The following ATP8A2 variants were observed in gnomAD, a reference collection of about 807,000 sequenced individuals.
ATP8A2 encodes the protein ATPase phospholipid transporting 8A2.
Under a neutral mutation model 165.6 loss-of-function variants are expected in ATP8A2, and 100 were observed. The ratio of observed to expected loss-of-function variants is 0.60; its 90% CI spans 0.51 to 0.71. The LOEUF is 0.71. Ranked by LOEUF, ATP8A2 falls within the 30% of genes least tolerant of loss-of-function variation. The probability of loss-of-function intolerance (pLI) is 0.00; values close to 1 mark genes in which losing one functional copy is unlikely to be tolerated. For synonymous variants in ATP8A2, 543 were observed against 548.8 expected (o/e 0.99, Z 0.15); for missense variants, 1,227 against 1,479.5 (o/e 0.83, Z 2.80).
Position 25,909,506 on chromosome 13 carries a change from T to C in ATP8A2, c.3183+47098T>C, listed in dbSNP as rs191840607. Among the ~76,000 whole-genome samples the C allele has an allele frequency of 2.9e-4, 44 of 152,350 alleles. No individual in the cohort carries two copies. The East Asian group carries it at 8.5e-3, about 29-fold the overall frequency. On this transcript the variant is annotated intron_variant, in intron 33 of 36. Coordinates refer to ENST00000381655, the MANE Select transcript of ATP8A2 (RefSeq NM_016529.6). ...AGTTGTTGATTAATTTTTCGTATTATTATGCATTTTAGGTTGGTGCAAAAG... is the reference window on the plus strand; with the variant it reads ...AGTTGTTGATTAATTTTTCGTATTACTATGCATTTTAGGTTGGTGCAAAAG...
At chr13:25,680,860 G>A (rs71186896) in intron 24 of ATP8A2, among the ~76,000 whole-genome samples, 60 of 152,220 alleles carry the variant, frequency 3.9e-4, no homozygotes, top group Middle Eastern at 3.4e-3. Flanking sequence ...TGGTGTGGGC[G>A]CTTGGTTTCT....
chr13:25,844,467 G>T (rs1951814916), intron 30 of ATP8A2, among the ~76,000 whole-genome samples: 2 of 152,144 alleles, frequency 1.3e-5, no homozygotes, highest in Non-Finnish European at 2.9e-5. Flanking sequence ...CTGACCTCGT[G>T]ATCTGCCCAC....
intron 35 of ATP8A2, among the ~76,000 whole-genome samples, chr13:25,998,532 G>A (rs993429593): frequency 2.0e-5 from 3 of 152,140 alleles, no homozygotes; most frequent in Admixed American, 1.3e-4. Context: ...TCCTTTGTCT[G>A]GAGAGAAAAG....
chr13:25,920,970 T>C (rs1954434172), intron 33 of ATP8A2, among the ~76,000 whole-genome samples: 1 of 152,100 alleles, frequency 6.6e-6, no homozygotes, highest in African/African-American at 2.4e-5. Flanking sequence ...CTCGGGAGGC[T>C]GAGGTGGGAG....
chr13:25,559,336 C>T (rs2039074509), intron 14 of ATP8A2, among the ~76,000 whole-genome samples: 1 of 152,146 alleles, frequency 6.6e-6, no homozygotes, highest in Admixed American at 6.5e-5. Context: ...AGTTCGAGAT[C>T]AGCCTGGCTA....
intron 35 of ATP8A2, among the ~76,000 whole-genome samples, chr13:26,004,638 A>G (rs981583158): frequency 3.9e-5 from 6 of 152,014 alleles, no homozygotes; most frequent in African/African-American, 1.4e-4. Flanking sequence ...GATGTTAGCT[A>G]TGGGTTTGTC....
intron 33 of ATP8A2, among the ~76,000 whole-genome samples, chr13:25,945,115 G>C (rs987037823): frequency 6.6e-6 from 1 of 152,130 alleles, no homozygotes; most frequent in Non-Finnish European, 1.5e-5. Context: ...AGGAAGTGAG[G>C]GTTGGTTTTA....
At chr13:25,978,837 G>A (rs1956118207) in intron 35 of ATP8A2, among the ~76,000 whole-genome samples, 1 of 152,164 alleles carries the variant, frequency 6.6e-6, no homozygotes, top group Admixed American at 6.5e-5. Context: ...CTACTTGAGA[G>A]GCTGAGGCAG....
At chr13:25,799,527 A>G (rs1238720862) in intron 27 of ATP8A2, among the ~76,000 whole-genome samples, 2 of 152,216 alleles carry the variant, frequency 1.3e-5, no homozygotes, top group Non-Finnish European at 1.5e-5. Context: ...AATCATTGCC[A>G]TAGATGATTA....
chr13:25,440,756 C>T (rs995338757), intron 1 of ATP8A2, among the ~76,000 whole-genome samples: 1 of 152,184 alleles, frequency 6.6e-6, no homozygotes, highest in African/African-American at 2.4e-5. Context: ...AACAATTTTT[C>T]AATCCGATGC....
At chr13:25,577,003 G>A in intron 19 of ATP8A2, 66 bp from the exon 20 acceptor site, 4 of 1,309,060 alleles carry the variant, frequency 3.1e-6, no homozygotes, top group Non-Finnish European at 4.4e-6. Context: ...TTTGATTGGT[G>A]TTCAGCTGTG....
chr13:25,551,622 A>G (rs1043993030), intron 11 of ATP8A2, 119 bp downstream of exon 11: 16 of 881,828 alleles, frequency 1.8e-5, no homozygotes, highest in Non-Finnish European at 2.7e-5. Context: ...GTTACTGTAC[A>G]TAATGCCAGC....
At chr13:25,433,766 G>GA (rs2034677634) in intron 1 of ATP8A2, among the ~76,000 whole-genome samples, 1 of 152,106 alleles carries the variant, frequency 6.6e-6, no homozygotes, top group Non-Finnish European at 1.5e-5. Context: ...AGGAAATGTG[G>GA]TATTTATACA....
intron 27 of ATP8A2, among the ~76,000 whole-genome samples, chr13:25,811,199 T>C (rs1950859699): frequency 6.6e-6 from 1 of 152,184 alleles, no homozygotes; most frequent in Non-Finnish European, 1.5e-5. Flanking sequence ...TGATTTAAAA[T>C]TGATAATTAG....
intron 25 of ATP8A2, among the ~76,000 whole-genome samples, chr13:25,714,747 T>C (rs1282573682): frequency 6.6e-6 from 1 of 152,164 alleles, no homozygotes; most frequent in Non-Finnish European, 1.5e-5. Flanking sequence ...CTATGGAAAA[T>C]GTTTAGGGTG....
At chr13:25,447,655 A>G (rs1427063545) in intron 1 of ATP8A2, among the ~76,000 whole-genome samples, 1 of 152,234 alleles carries the variant, frequency 6.6e-6, no homozygotes, top group Non-Finnish European at 1.5e-5. Context: ...TTTGCTGTCC[A>G]CAGATGGCTA....
At chr13:25,512,490 G>A (rs1338418452) in intron 2 of ATP8A2, among the ~76,000 whole-genome samples, 2 of 151,934 alleles carry the variant, frequency 1.3e-5, no homozygotes. Flanking sequence ...CCCGGACGGG[G>A]CGGCTGGCTG....
chr13:25,771,268 G>A (rs1043948652), intron 26 of ATP8A2, among the ~76,000 whole-genome samples: 6 of 152,182 alleles, frequency 3.9e-5, no homozygotes, highest in Admixed American at 1.3e-4. Flanking sequence ...CAACGGACCT[G>A]AGTGTGAACT....
intron 33 of ATP8A2, among the ~76,000 whole-genome samples, chr13:25,882,931 GAT>G (rs1491550536): frequency 2.0e-5 from 3 of 151,606 alleles, no homozygotes; most frequent in Non-Finnish European, 4.4e-5. Context: ...TGATGATGAT[GAT>G]GATGATGGTG....
Sources: gnomAD v4.1 joint callset for allele counts (sites outside exome capture counted in the v4.1 genomes callset) on GRCh38, gnomAD v4.1.1 for gene constraint, MANE v1.5 for transcripts, NCBI Gene and HGNC (gene_info 2026-07-23, HGNC 2026-07-21) for gene names.